Variants in ATXN1 observed in about 807,000 individuals in gnomAD.
ATXN1 encodes ataxin 1.
ATXN1 carries 8 observed loss-of-function variants against 56.4 expected under a neutral mutation model. That is an observed-to-expected ratio of 0.14 (90% confidence interval 0.08 to 0.26). The LOEUF (loss-of-function observed/expected upper bound fraction) is 0.26, where lower values mean the gene tolerates loss of function less well. ATXN1 is among the 10% of genes least tolerant of loss of function. The probability of loss-of-function intolerance (pLI) is 1.00; values close to 1 mark genes in which losing one functional copy is unlikely to be tolerated. For missense variants in ATXN1, 987 were observed against 1,106.5 expected (o/e 0.89, Z 1.53); for synonymous variants, 514 against 494.6 (o/e 1.04, Z -0.52).
At chr6:16,382,839 T>A (rs1475746125) in intron 6 of ATXN1, among the ~76,000 whole-genome samples, 21 of 124,364 alleles carry the variant, frequency 1.7e-4, no homozygotes, top group Non-Finnish European at 2.8e-4. Context: ...AAAAAAAAAA[T>A]AAATAAACTT....
chr6:16,421,659 G>A (rs1004102718), intron 6 of ATXN1, among the ~76,000 whole-genome samples: 9 of 149,466 alleles, frequency 6.0e-5, no homozygotes, highest in Non-Finnish European at 1.2e-4. Context: ...GGAGGGTGGG[G>A]GGGGCGTGAG....
At chr6:16,662,243 G>A (rs1039717787) in intron 2 of ATXN1, among the ~76,000 whole-genome samples, 2 of 152,172 alleles carry the variant, frequency 1.3e-5, no homozygotes, top group African/African-American at 4.8e-5. Flanking sequence ...TACTTTAGGT[G>A]TGCATGCCTG....
At chr6:16,731,034 G>T (rs1759964219) in intron 2 of ATXN1, among the ~76,000 whole-genome samples, 1 of 152,094 alleles carries the variant, frequency 6.6e-6, no homozygotes, top group South Asian at 2.1e-4. Flanking sequence ...CACATTCCTG[G>T]ACCTATCACA....
chr6:16,340,739 C>T (rs997950759), intron 6 of ATXN1, among the ~76,000 whole-genome samples: 2 of 152,150 alleles, frequency 1.3e-5, no homozygotes, highest in African/African-American at 2.4e-5. Context: ...AATATAACAA[C>T]GTTGAAGTAA....
At chr6:16,593,828 T>C (rs1762765642) in intron 3 of ATXN1, among the ~76,000 whole-genome samples, 1 of 133,042 alleles carries the variant, frequency 7.5e-6, no homozygotes, top group African/African-American at 2.8e-5. Context: ...ATTATATATA[T>C]GTATGTATGT....
chr6:16,674,411 G>A (rs535330971), intron 2 of ATXN1, among the ~76,000 whole-genome samples: 13 of 134,578 alleles, frequency 9.7e-5, no homozygotes, highest in Non-Finnish European at 1.7e-4. Flanking sequence ...GTGTGATCTC[G>A]GCTCACTGCA....
At chr6:16,704,793 C>T (rs1159267044) in intron 2 of ATXN1, among the ~76,000 whole-genome samples, 2 of 152,212 alleles carry the variant, frequency 1.3e-5, no homozygotes, top group African/African-American at 2.4e-5. Context: ...TGCTTCTTGA[C>T]AACCTTCACG....
chr6:16,371,609 A>G (rs1411834746), intron 6 of ATXN1, among the ~76,000 whole-genome samples: 2 of 152,208 alleles, frequency 1.3e-5, no homozygotes, highest in Non-Finnish European at 2.9e-5. Context: ...TCTAGAGTGC[A>G]GTGGTGCAAT....
intron 7 of ATXN1, among the ~76,000 whole-genome samples, chr6:16,317,499 G>C (rs1305727665): frequency 6.6e-6 from 1 of 151,922 alleles, no homozygotes; most frequent in Non-Finnish European, 1.5e-5. Context: ...TAATTTTTTT[G>C]TATTTAGTAG....
At chr6:16,685,640 A>G (rs954889422) in intron 2 of ATXN1, among the ~76,000 whole-genome samples, 6 of 152,200 alleles carry the variant, frequency 3.9e-5, no homozygotes, top group Non-Finnish European at 5.9e-5. Flanking sequence ...GCTTCATTCA[A>G]TTGAGCCTAA....
At chr6:16,459,907 C>T (rs1759955781) in intron 6 of ATXN1, among the ~76,000 whole-genome samples, 1 of 152,300 alleles carries the variant, frequency 6.6e-6, no homozygotes, top group African/African-American at 2.4e-5. Flanking sequence ...TACAAGGCAT[C>T]TAAATCGAAG....
intron 5 of ATXN1, among the ~76,000 whole-genome samples, chr6:16,493,938 C>T (rs910058098): frequency 6.6e-6 from 1 of 152,208 alleles, no homozygotes; most frequent in African/African-American, 2.4e-5. Flanking sequence ...GCTGCCAGGG[C>T]TGCTGGCAAT....
At chr6:16,477,552 C>G (rs1454226076) in intron 6 of ATXN1, among the ~76,000 whole-genome samples, 1 of 152,198 alleles carries the variant, frequency 6.6e-6, no homozygotes. Context: ...TCAGGCCAGA[C>G]CTGTCAACAG....
At chr6:16,319,001 G>T (rs1760582634) in intron 7 of ATXN1, among the ~76,000 whole-genome samples, 1 of 152,138 alleles carries the variant, frequency 6.6e-6, no homozygotes, top group African/African-American at 2.4e-5. Context: ...AGGATCACAT[G>T]AGCTCAGGAG....
intron 5 of ATXN1, among the ~76,000 whole-genome samples, chr6:16,493,518 T>G (rs982632072): frequency 6.6e-6 from 1 of 152,026 alleles, no homozygotes; most frequent in Non-Finnish European, 1.5e-5. Flanking sequence ...TCATTTTCCT[T>G]ATGTTACTAA....
intron 4 of ATXN1, among the ~76,000 whole-genome samples, chr6:16,538,897 G>C (rs1761658398): frequency 6.6e-6 from 1 of 152,112 alleles, no homozygotes; most frequent in South Asian, 2.1e-4. Context: ...TGTTGTCCAG[G>C]ATGGTCTCGA....
At chr6:16,603,337 A>G (rs897650445) in intron 3 of ATXN1, among the ~76,000 whole-genome samples, 2 of 151,840 alleles carry the variant, frequency 1.3e-5, no homozygotes, top group Non-Finnish European at 1.5e-5. Flanking sequence ...CCCTGCCTCA[A>G]CTCACCCAGA....
At chr6:16,338,347 G>C (rs780866374) in intron 6 of ATXN1, among the ~76,000 whole-genome samples, 1 of 152,114 alleles carries the variant, frequency 6.6e-6, no homozygotes, top group Non-Finnish European at 1.5e-5. Flanking sequence ...CAAAAAATGA[G>C]CCAGGCGTGG....
At chr6:16,651,857 T>C (rs1229174119) in intron 3 of ATXN1, 2 of 152,246 alleles carry the variant, frequency 1.3e-5, no homozygotes, top group Admixed American at 1.3e-4. Context: ...GGTAACAAAC[T>C]CTAGGTCACT....
Sources: gnomAD v4.1 joint callset for allele counts (sites outside exome capture counted in the v4.1 genomes callset) on GRCh38, gnomAD v4.1.1 for gene constraint, MANE v1.5 for transcripts, NCBI Gene and HGNC (gene_info 2026-07-23, HGNC 2026-07-21) for gene names.